MARCHF11: variants seen among roughly 807,000 people sequenced by gnomAD.
MARCHF11 encodes membrane associated ring-CH-type finger 11, also known as E3 ubiquitin-protein ligase MARCHF11.
A neutral mutation model predicts 37.3 loss-of-function variants in MARCHF11; 29 were observed. The ratio of observed to expected loss-of-function variants is 0.78; its 90% CI spans 0.58 to 1.06. The LOEUF is 1.06. Among genes scored for constraint, MARCHF11 ranks in the 50% least tolerant of loss-of-function variants. MARCHF11 has a pLI of 0.00. For synonymous variants in MARCHF11, 233 were observed against 228.0 expected (o/e 1.02, Z -0.20); for missense variants, 482 against 533.4 (o/e 0.90, Z 0.95).
intron 2 of MARCHF11, among the ~76,000 whole-genome samples, chr5:16,147,676 G>T (rs1737821971): frequency 1.0e-5 from 1 of 97,706 alleles, no homozygotes; most frequent in Non-Finnish European, 2.1e-5. Context: ...GAATGACCAT[G>T]AATCTGTCCT....
intron 2 of MARCHF11, among the ~76,000 whole-genome samples, chr5:16,148,110 T>C (rs1327964655): frequency 6.6e-6 from 1 of 152,136 alleles, no homozygotes; most frequent in Admixed American, 6.6e-5. Context: ...TTTTAAAAAA[T>C]TTAAGGAGAG....
In MARCHF11 at chr5:16,155,008, G is replaced by A. The variant is rs1302568014; in HGVS notation, c.693+22718C>T. On this transcript the variant is annotated intron_variant, in intron 2 of 3. Coordinates refer to ENST00000332432, the MANE Select transcript of MARCHF11 (RefSeq NM_001102562.3). Reference sequence around the variant, plus strand: ...TCTGACCCAACCCCTACAGTGATACGCCTGATGTGTCTGTAGGGTTTGACA... The same window carrying A: ...TCTGACCCAACCCCTACAGTGATACACCTGATGTGTCTGTAGGGTTTGACA... Among the ~76,000 whole-genome samples, 8 of 151,760 alleles carry A rather than the reference G, an allele frequency of 5.3e-5. No homozygotes were observed. The East Asian group carries it at 9.7e-4, about 18-fold the overall frequency.
chr5:16,122,043 T>C lies in MARCHF11; in HGVS notation c.694-30962A>G, dbSNP rs911526215. 7.9e-5 allele frequency among the ~76,000 whole-genome samples: 12 copies of C among 152,260 alleles called. No homozygotes were observed. In the South Asian group the frequency reaches 1.7e-3, roughly 21 times the overall value. On this transcript the variant is annotated intron_variant, in intron 2 of 3. Transcript: ENST00000332432. ...GAAGACAGAGAATTTAGGTACTCTG[T>C]CCAAAGGCACCTGGCTAAAAAGCAG... is the stretch of plus-strand genomic sequence containing the variant.
At chr5:16,177,128 T>C (rs1456689869) in intron 2 of MARCHF11, among the ~76,000 whole-genome samples, 1 of 152,212 alleles carries the variant, frequency 6.6e-6, no homozygotes, top group Non-Finnish European at 1.5e-5. Context: ...TTCAGTAGTA[T>C]TATTGAGAGT....
chr5:16,098,901 A>T (rs1042546402), intron 2 of MARCHF11, among the ~76,000 whole-genome samples: 1 of 152,206 alleles, frequency 6.6e-6, no homozygotes, highest in African/African-American at 2.4e-5. Context: ...CTTAAGACTA[A>T]TTTTTTAAAA....
At chr5:16,113,347 A>G (rs1302409199) in intron 2 of MARCHF11, among the ~76,000 whole-genome samples, 1 of 152,228 alleles carries the variant, frequency 6.6e-6, no homozygotes, top group Non-Finnish European at 1.5e-5. Context: ...ATAGTGTTCA[A>G]TAACAACCAT....
chr5:16,096,493 G>A (rs942236559), intron 2 of MARCHF11, among the ~76,000 whole-genome samples: 2 of 152,166 alleles, frequency 1.3e-5, no homozygotes, highest in African/African-American at 2.4e-5. Flanking sequence ...AAATGTACAT[G>A]GCCCAGAATT....
At chr5:16,152,867 A>G (rs1194223824) in intron 2 of MARCHF11, among the ~76,000 whole-genome samples, 1 of 152,054 alleles carries the variant, frequency 6.6e-6, no homozygotes, top group Non-Finnish European at 1.5e-5. Flanking sequence ...TGGACTACAT[A>G]GAGTATAAAT....
intron 2 of MARCHF11, among the ~76,000 whole-genome samples, chr5:16,126,881 TAGA>T (rs1042605744): frequency 6.6e-5 from 10 of 152,188 alleles, no homozygotes; most frequent in Admixed American, 4.6e-4. Flanking sequence ...GTTAACATTT[TAGA>T]AGAAGTCAAA....
At chr5:16,150,426 C>T (rs1284946181) in intron 2 of MARCHF11, among the ~76,000 whole-genome samples, 1 of 149,398 alleles carries the variant, frequency 6.7e-6, no homozygotes, top group Admixed American at 6.6e-5. Flanking sequence ...TGTGGTTCTA[C>T]AGAACAGGCA....
At chr5:16,134,322 G>T (rs141909422) in intron 2 of MARCHF11, among the ~76,000 whole-genome samples, 193 of 152,216 alleles carry the variant, frequency 1.3e-3, no homozygotes, top group African/African-American at 4.5e-3. Flanking sequence ...GGTCATGAGG[G>T]TTCCACCCTC....
intron 2 of MARCHF11, among the ~76,000 whole-genome samples, chr5:16,140,257 G>T (rs1737679986): frequency 6.6e-6 from 1 of 152,124 alleles, no homozygotes; most frequent in Non-Finnish European, 1.5e-5. Context: ...TTCAAGAAAT[G>T]TAAGGCCAAT....
intron 2 of MARCHF11, among the ~76,000 whole-genome samples, chr5:16,095,236 T>C (rs1413449256): frequency 2.6e-5 from 4 of 152,176 alleles, no homozygotes; most frequent in Non-Finnish European, 4.4e-5. Flanking sequence ...CTGTGAGTCA[T>C]TCCCTGCTCC....
At chr5:16,135,560 C>G (rs755742100) in intron 2 of MARCHF11, among the ~76,000 whole-genome samples, 19 of 151,994 alleles carry the variant, frequency 1.3e-4, no homozygotes, top group Admixed American at 1.2e-3. Flanking sequence ...AAAAACATTA[C>G]AAATAATAGT....
chr5:16,134,885 A>C (rs962275066), intron 2 of MARCHF11, among the ~76,000 whole-genome samples: 14 of 152,142 alleles, frequency 9.2e-5, no homozygotes, highest in African/African-American at 2.9e-4. Flanking sequence ...AGTACAATTC[A>C]ATAAAATTAT....
At chr5:16,166,244 T>G (rs1216958784) in intron 2 of MARCHF11, among the ~76,000 whole-genome samples, 1 of 152,004 alleles carries the variant, frequency 6.6e-6, no homozygotes, top group African/African-American at 2.4e-5. Context: ...ATATTGCATG[T>G]GACTATTTTT....
intron 2 of MARCHF11, among the ~76,000 whole-genome samples, chr5:16,116,686 A>C (rs947228301): frequency 2.6e-5 from 4 of 152,230 alleles, no homozygotes; most frequent in Non-Finnish European, 4.4e-5. Context: ...GCATGATGGC[A>C]CTACATTTTG....
intron 2 of MARCHF11, among the ~76,000 whole-genome samples, chr5:16,166,406 T>C (rs1306521216): frequency 3.3e-5 from 5 of 151,964 alleles, no homozygotes; most frequent in Non-Finnish European, 4.4e-5. Flanking sequence ...TGTGTAAATA[T>C]TTCTATATTT....
At chr5:16,110,387 G>A (rs907633181) in intron 2 of MARCHF11, among the ~76,000 whole-genome samples, 1 of 152,068 alleles carries the variant, frequency 6.6e-6, no homozygotes, top group Non-Finnish European at 1.5e-5. Flanking sequence ...TACAATGCTG[G>A]AGACTGACCA....
Sources: gnomAD v4.1 joint callset for allele counts (sites outside exome capture counted in the v4.1 genomes callset) on GRCh38, gnomAD v4.1.1 for gene constraint, MANE v1.5 for transcripts, NCBI Gene and HGNC (gene_info 2026-07-23, HGNC 2026-07-21) for gene names.